DRD5: variants seen among roughly 807,000 people sequenced by gnomAD.
The protein encoded by DRD5 is D(1B) dopamine receptor.
For missense variants in DRD5, 758 were observed against 657.8 expected, an observed-to-expected ratio of 1.15 and a Z score of -1.67; for synonymous variants, 327 against 277.1, an observed-to-expected ratio of 1.18 and a Z score of -1.79.
At position 9,782,229 on chromosome 4, in the gene DRD5, G is replaced by A. The variant is rs1718521450; in HGVS notation, c.200G>A (p.Arg67Gln). The A allele has an allele frequency of 8.7e-6, 14 of 1,613,034 alleles. No homozygotes were observed. The highest frequency in any genetic ancestry group is 1.8e-4 in the Middle Eastern group (1 of 5,636). ...GTGCTGGTGTGCGCAGCCATCGTGC[G>A]GAGCCGCCACCTGCGCGCCAACATG... ...GNVLVCAAIV[R>Q]SRHLRANMTN... Residue 67 changes from arginine to glutamine, a missense_variant, in exon 1 of 1, where the codon CGG becomes CAG. Physicochemically the swap from Arg to Gln is conservative, Grantham distance 43. Coordinates refer to ENST00000304374, the MANE Select transcript of DRD5 (RefSeq NM_000798.5).
chr4:9,782,584 G>A lies in DRD5; in HGVS notation c.555G>A (p.Ala185=), dbSNP rs1461653045. The change falls in exon 1 of 1, where the codon GCG becomes GCA. Residue 185 remains alanine, a synonymous_variant. Coordinates refer to ENST00000304374, the MANE Select transcript of DRD5 (RefSeq NM_000798.5). ...PVQLNWHRDQ[A]ASWGGLDLPN... ...AGCTCAACTGGCACAGGGACCAGGCGGCCTCTTGGGGCGGGCTGGACCTGC... is the reference window on the plus strand; with the variant it reads ...AGCTCAACTGGCACAGGGACCAGGCAGCCTCTTGGGGCGGGCTGGACCTGC... 3 of 1,613,822 alleles carry A rather than the reference G, an allele frequency of 1.9e-6. No individual in the cohort carries two copies. The highest frequency in any genetic ancestry group is 2.7e-5 in the African/African-American group (2 of 74,934).
In DRD5 at chr4:9,782,385, T is replaced by C. The variant is rs1329252530; in HGVS notation, c.356T>C (p.Phe119Ser). 1 of 1,614,050 alleles carries C rather than the reference T, an allele frequency of 6.2e-7. No homozygotes were observed. The highest frequency in any genetic ancestry group is 1.1e-5 in the South Asian group (1 of 91,080). Residue 119 changes from phenylalanine (F) to serine (S), a missense_variant, in exon 1 of 1, where the codon TTC becomes TCC. Coordinates refer to ENST00000304374, the MANE Select transcript of DRD5 (RefSeq NM_000798.5). The stretch of plus-strand genomic sequence containing the variant: ...GCGTTCTGCGACGTCTGGGTGGCCT[T>C]CGACATCATGTGCTCCACTGCCTCC... ...FGAFCDVWVA[F>S]DIMCSTASIL...
chr4:9,782,540 A>T lies in DRD5; in HGVS notation c.511A>T (p.Ile171Phe). The T allele has an allele frequency of 1.2e-6, 2 of 1,613,854 alleles. No individual in the cohort carries two copies. The highest frequency in any genetic ancestry group is 2.2e-5 in the South Asian group (2 of 91,078). ...VGLAWTLSIL[I>F]SFIPVQLNWH... is the part of the protein sequence containing the mutation. ...CCTGGCATGGACCTTGTCCATCCTCATCTCCTTCATTCCGGTCCAGCTCAA... is the reference window on the plus strand; with the variant it reads ...CCTGGCATGGACCTTGTCCATCCTCTTCTCCTTCATTCCGGTCCAGCTCAA... The change falls in exon 1 of 1, where the codon ATC becomes TTC. Residue 171 changes from isoleucine (I) to phenylalanine (F), a missense_variant. Coordinates refer to ENST00000304374, the MANE Select transcript of DRD5 (RefSeq NM_000798.5).
At position 9,782,130 on chromosome 4, in the gene DRD5, C is replaced by A. The variant is rs772917283; in HGVS notation, c.101C>A (p.Pro34Gln). 31 of 1,552,560 alleles carry A rather than the reference C, an allele frequency of 2.0e-5. No individual in the cohort carries two copies. The highest frequency in any genetic ancestry group is 2.7e-5 in the Non-Finnish European group (31 of 1,149,420). ...GNAVGGSAGA[P>Q]PLGPSQVVTA... ...GCCGTGGGGGGCTCGGCGGGGGCACCGCCACTGGGGCCCTCACAGGTGGTC... is the reference window on the plus strand; with the variant it reads ...GCCGTGGGGGGCTCGGCGGGGGCACAGCCACTGGGGCCCTCACAGGTGGTC... Residue 34 changes from proline (P) to glutamine (Q), a missense_variant, in exon 1 of 1, where the codon CCG (proline) becomes CAG (glutamine). Coordinates refer to ENST00000304374, the MANE Select transcript of DRD5 (RefSeq NM_000798.5).
rs1426208626 is a variant in DRD5 at position 9,783,479 on chromosome 4, C to T, written c.*16C>T. 6.3e-7 allele frequency: 1 copy of T among 1,582,638 alleles called. No individual in the cohort carries two copies. The highest frequency in any genetic ancestry group is 1.2e-5 in the South Asian group (1 of 85,386). The stretch of plus-strand genomic sequence containing the variant: ...ATTCCATTAAACTGCATTAAGAAAC[C>T]CCCTCATGGATCTGCATAACCGCAC... On this transcript the variant is annotated 3_prime_UTR_variant, in exon 1 of 1. Transcript: ENST00000304374.
chr4:9,782,989 T>C lies in DRD5; in HGVS notation c.960T>C (p.Pro320=). The C allele has an allele frequency of 1.9e-6, 3 of 1,614,216 alleles. No homozygotes were observed. The highest frequency in any genetic ancestry group is 2.5e-6 in the Non-Finnish European group (3 of 1,180,026). The part of the protein sequence containing the change: ...LPFFILNCMV[P]FCSGHPEGPP... The stretch of plus-strand genomic sequence containing the variant: ...TCTTCATCCTTAACTGCATGGTCCC[T>C]TTCTGCAGTGGACACCCCGAAGGCC... Residue 320 remains proline (P), a synonymous_variant, in exon 1 of 1, where the codon CCT becomes CCC. Coordinates refer to ENST00000304374, the MANE Select transcript of DRD5 (RefSeq NM_000798.5).
rs769898539 is a variant in DRD5 at position 9,782,592 on chromosome 4, G to C, written c.563G>C (p.Trp188Ser). 3.1e-6 allele frequency: 5 copies of C among 1,613,930 alleles called. No individual in the cohort carries two copies. The highest frequency in any genetic ancestry group is 1.1e-5 in the South Asian group (1 of 91,070). ...TGGCACAGGGACCAGGCGGCCTCTT[G>C]GGGCGGGCTGGACCTGCCAAACAAC... ...LNWHRDQAAS[W>S]GGLDLPNNLA... Residue 188 changes from tryptophan to serine, a missense_variant, in exon 1 of 1, where the codon TGG becomes TCG. Coordinates refer to ENST00000304374, the MANE Select transcript of DRD5 (RefSeq NM_000798.5).
chr4:9,783,831 A>T lies in DRD5; in HGVS notation c.*368A>T, dbSNP rs1252376111. 9.2e-6 allele frequency: 2 copies of T among 216,418 alleles called. No homozygotes were observed. Among genetic ancestry groups the T allele is most frequent in the Non-Finnish European group, 2.0e-5 (2 of 98,974 alleles). The allele number at this position is 216,418 out of a possible 1,614,324, so 13.4% of individuals were successfully genotyped here. A position where few individuals can be genotyped will look rare whatever the true frequency, so the allele number is the denominator to read the frequency against. Reference sequence around the variant, plus strand: ...CTTGTTTGTGTTTGAATTGATTTTTAAACAGCAGGTTGTGTGTGTGTGCAG... The same window carrying T: ...CTTGTTTGTGTTTGAATTGATTTTTTAACAGCAGGTTGTGTGTGTGTGCAG... On this transcript the variant is annotated 3_prime_UTR_variant, in exon 1 of 1. Coordinates refer to ENST00000304374, the MANE Select transcript of DRD5 (RefSeq NM_000798.5).
Position 9,782,347 on chromosome 4 carries a change from C to T in DRD5, c.318C>T (p.Tyr106=), listed in dbSNP as rs113695344. 5.5e-5 allele frequency: 88 copies of T among 1,613,950 alleles called. 1 individual carries two copies. The highest frequency in any genetic ancestry group is 7.1e-5 in the Non-Finnish European group (84 of 1,179,896). Residue 106 remains tyrosine (Y), a synonymous_variant, in exon 1 of 1, where the codon TAC becomes TAT. Transcript: ENST00000304374. ...AGGCAGTCGCCGAGGTGGCCGGTTACTGGCCCTTTGGAGCGTTCTGCGACG... is the reference window on the plus strand; with the variant it reads ...AGGCAGTCGCCGAGGTGGCCGGTTATTGGCCCTTTGGAGCGTTCTGCGACG... ...PWKAVAEVAG[Y]WPFGAFCDVW...
In DRD5 at chr4:9,781,980, A is replaced by G. The variant is rs559099689; in HGVS notation, c.-50A>G. On this transcript the variant is annotated 5_prime_UTR_variant, in exon 1 of 1. Transcript: ENST00000304374. ...CCCGATGGGGCTGCCTGGGGGTCGC[A>G]GGGCTGAAGTTGGGACCGCGCACAG... The G allele has an allele frequency of 3.5e-5, 48 of 1,375,718 alleles. No homozygotes were observed. In the East Asian group the frequency reaches 1.0e-3, roughly 30 times the overall value. The allele number at this position is 1,375,718 out of a possible 1,614,324, so 85.2% of individuals were successfully genotyped here.
rs564604787 is a variant in DRD5 at position 9,783,520 on chromosome 4, C to G, written c.*57C>G. On this transcript the variant is annotated 3_prime_UTR_variant, in exon 1 of 1. Coordinates refer to ENST00000304374, the MANE Select transcript of DRD5 (RefSeq NM_000798.5). Reference sequence around the variant, plus strand: ...ATAACCGCACAGACATTGACAAGCACGCACACACACGCAAATACATGCCTT... The same window carrying G: ...ATAACCGCACAGACATTGACAAGCAGGCACACACACGCAAATACATGCCTT... 976 of 1,453,802 alleles carry G rather than the reference C, an allele frequency of 6.7e-4. No homozygotes were observed. Among genetic ancestry groups the G allele is most frequent in the Non-Finnish European group, 7.7e-4 (823 of 1,068,906 alleles). 90.1% of individuals were successfully genotyped at this position (1,453,802 alleles called of 1,614,324 possible).
chr4:9,782,358 G>C lies in DRD5; in HGVS notation c.329G>C (p.Gly110Ala), dbSNP rs2227849. ...VAEVAGYWPF[G>A]AFCDVWVAFD... is the part of the protein sequence containing the mutation. ...GAGGTGGCCGGTTACTGGCCCTTTG[G>C]AGCGTTCTGCGACGTCTGGGTGGCC... The change falls in exon 1 of 1, where the codon GGA (glycine) becomes GCA (alanine). Residue 110 changes from glycine (G) to alanine (A), a missense_variant. By Grantham distance (60) the Gly-to-Ala change is moderately conservative (BLOSUM62 0). Coordinates refer to ENST00000304374, the MANE Select transcript of DRD5 (RefSeq NM_000798.5). 6.2e-7 allele frequency: 1 copy of C among 1,614,058 alleles called. No homozygotes were observed. Among genetic ancestry groups the C allele is most frequent in the South Asian group, 1.1e-5 (1 of 91,082 alleles).
chr4:9,783,714 T>G lies in DRD5; in HGVS notation c.*251T>G. 2.1e-6 allele frequency: 1 copy of G among 485,082 alleles called. No individual in the cohort carries two copies. The highest frequency in any genetic ancestry group is 3.8e-6 in the Non-Finnish European group (1 of 266,596). 30.0% of individuals were successfully genotyped at this position (485,082 alleles called of 1,614,324 possible). A position where few individuals can be genotyped will look rare whatever the true frequency, so the allele number is the denominator to read the frequency against. ...CCAACGATCCTATGAGAGAAGAGAGTATGGTGCTGGGTCCTTAAAAAAAAA... is the reference window on the plus strand; with the variant it reads ...CCAACGATCCTATGAGAGAAGAGAGGATGGTGCTGGGTCCTTAAAAAAAAA... On this transcript the variant is annotated 3_prime_UTR_variant, in exon 1 of 1. Coordinates refer to ENST00000304374, the MANE Select transcript of DRD5 (RefSeq NM_000798.5).
Position 9,781,784 on chromosome 4 carries a change from C to T in DRD5, c.-246C>T. Reference sequence around the variant, plus strand: ...AGCCCTGGCTGTCAGCGAGCACCAGCCGCTTCCTGTCCCCATCGCGGAGAC... The same window carrying T: ...AGCCCTGGCTGTCAGCGAGCACCAGTCGCTTCCTGTCCCCATCGCGGAGAC... On this transcript the variant is annotated 5_prime_UTR_variant, in exon 1 of 1. Transcript: ENST00000304374. 1 of 412,516 alleles carries T rather than the reference C, an allele frequency of 2.4e-6. No individual in the cohort carries two copies. The highest frequency in any genetic ancestry group is 4.2e-6 in the Non-Finnish European group (1 of 236,112). 25.6% of individuals were successfully genotyped at this position (412,516 alleles called of 1,614,324 possible).
rs369087783 is a variant in DRD5 at position 9,782,595 on chromosome 4, G to A, written c.566G>A (p.Gly189Asp). 1 of 1,613,840 alleles carries A rather than the reference G, an allele frequency of 6.2e-7. No individual in the cohort carries two copies. Among genetic ancestry groups the A allele is most frequent in the Non-Finnish European group, 8.5e-7 (1 of 1,179,884 alleles). Residue 189 changes from glycine (G) to aspartate (D), a missense_variant, in exon 1 of 1, where the codon GGC (glycine) becomes GAC (aspartate). Gly to Asp is a moderately conservative substitution (Grantham distance 94, BLOSUM62 -1). Coordinates refer to ENST00000304374, the MANE Select transcript of DRD5 (RefSeq NM_000798.5). ...NWHRDQAASW[G>D]GLDLPNNLAN... ...CACAGGGACCAGGCGGCCTCTTGGG[G>A]CGGGCTGGACCTGCCAAACAACCTG...
Position 9,782,127 on chromosome 4 carries a change from C to G in DRD5, c.98C>G (p.Ala33Gly). 1.3e-6 allele frequency: 2 copies of G among 1,547,806 alleles called. No individual in the cohort carries two copies. The highest frequency in any genetic ancestry group is 1.7e-6 in the Non-Finnish European group (2 of 1,147,414). Residue 33 changes from alanine (A) to glycine (G), a missense_variant, in exon 1 of 1, where the codon GCA (alanine) becomes GGA (glycine). Physicochemically the swap from Ala to Gly is moderately conservative, Grantham distance 60. Coordinates refer to ENST00000304374, the MANE Select transcript of DRD5 (RefSeq NM_000798.5). Reference protein sequence around the residue: ...QGNAVGGSAGAPPLGPSQVVT... With the variant: ...QGNAVGGSAGGPPLGPSQVVT... ...AACGCCGTGGGGGGCTCGGCGGGGGCACCGCCACTGGGGCCCTCACAGGTG... is the reference window on the plus strand; with the variant it reads ...AACGCCGTGGGGGGCTCGGCGGGGGGACCGCCACTGGGGCCCTCACAGGTG...
In DRD5 at chr4:9,782,815, G is replaced by A; in HGVS notation, c.786G>A (p.Leu262=). The A allele has an allele frequency of 4.3e-6, 7 of 1,613,708 alleles. No individual in the cohort carries two copies. Among genetic ancestry groups the A allele is most frequent in the African/African-American group, 1.3e-5 (1 of 75,056 alleles). Residue 262 remains leucine (L), a synonymous_variant, in exon 1 of 1, where the codon CTG becomes CTA. Transcript: ENST00000304374. ...AQVQIRRISS[L]ERAAEHAQSC... ...TGCAGATCCGCAGGATTTCCTCCCT[G>A]GAGAGGGCCGCAGAGCACGCGCAGA...
chr4:9,781,787 C>A lies in DRD5; in HGVS notation c.-243C>A. The A allele has an allele frequency of 2.4e-6, 1 of 421,992 alleles. No individual in the cohort carries two copies. 26.1% of individuals were successfully genotyped at this position (421,992 alleles called of 1,614,324 possible). ...CCTGGCTGTCAGCGAGCACCAGCCG[C>A]TTCCTGTCCCCATCGCGGAGACTGG... On this transcript the variant is annotated 5_prime_UTR_variant, in exon 1 of 1. Transcript: ENST00000304374.
chr4:9,782,903 A>G lies in DRD5; in HGVS notation c.874A>G (p.Thr292Ala), dbSNP rs1175027027. 2 of 1,613,942 alleles carry G rather than the reference A, an allele frequency of 1.2e-6. No individual in the cohort carries two copies. Among genetic ancestry groups the G allele is most frequent in the Non-Finnish European group, 1.7e-6 (2 of 1,180,002 alleles). The change falls in exon 1 of 1, where the codon ACC becomes GCC. Residue 292 changes from threonine (T) to alanine (A), a missense_variant. Physicochemically the swap from Thr to Ala is moderately conservative, Grantham distance 58. Transcript: ENST00000304374. ...CCTGCGCGCTTCCATCAAGAAGGAG[A>G]CCAAGGTTCTCAAGACCCTGTCGGT... ...TSLRASIKKE[T>A]KVLKTLSVIM...
Sources: allele counts gnomAD v4.1 joint callset, GRCh38; gene constraint gnomAD v4.1.1; transcripts MANE v1.5; gene names NCBI Gene and HGNC (gene_info 2026-07-23, HGNC 2026-07-21).